OXR1: variants seen among roughly 807,000 people sequenced by gnomAD.
OXR1 encodes the protein oxidation resistance protein 1.
A neutral mutation model predicts 104.6 loss-of-function variants in OXR1; 41 were observed. That is an observed-to-expected ratio of 0.39 (90% CI 0.31 to 0.51). The LOEUF is 0.51. Among genes scored for constraint, OXR1 ranks in the 20% least tolerant of loss-of-function variants. The probability of loss-of-function intolerance (pLI) is 0.77; values close to 1 mark genes in which losing one functional copy is unlikely to be tolerated. For missense variants in OXR1, 955 were observed against 1,031.9 expected (o/e 0.93, Z 1.02); for synonymous variants, 348 against 348.4 (o/e 1.00, Z 0.01).
rs773632188 is a variant in OXR1 at position 106,692,897 on chromosome 8, A to T, written c.675+20A>T. The T allele has an allele frequency of 4.5e-6, 7 of 1,551,510 alleles. No individual in the cohort carries two copies. The highest frequency in any genetic ancestry group is 6.2e-6 in the Non-Finnish European group (7 of 1,136,512). ...GGCAAGGTAAAGAATGACACTTTAG[A>T]GAAGACCTTTAATCATGCTTTAGTT... On this transcript the variant is annotated intron_variant, in intron 7 of 16. Coordinates refer to ENST00000517566, the MANE Select transcript of OXR1 (RefSeq NM_001198533.2).
chr8:106,651,089 A>AGATCCTGCAAAATGACCCTCTTTGAT (rs1824531262), intron 3 of OXR1, among the ~76,000 whole-genome samples: 1 of 152,210 alleles, frequency 6.6e-6, no homozygotes, highest in African/African-American at 2.4e-5. Flanking sequence ...AAATGTTGAT[A>AGATCCTGCAAAATGACCCTCTTTGAT]GATCCTGCAA....
chr8:106,382,690 T>C (rs1224328618), intron 2 of OXR1, among the ~76,000 whole-genome samples: 1 of 137,344 alleles, frequency 7.3e-6, no homozygotes, highest in Non-Finnish European at 1.6e-5. Context: ...AGGTTTTTTT[T>C]TTTTTTTTTT....
chr8:106,484,171 G>A lies in OXR1; in HGVS notation c.24-34772G>A, dbSNP rs949403440. ...AGACTGGGAGAAAATATTTGCAAAA[G>A]ACATACCTGGTAGAGGACCTTTATC... On this transcript the variant is annotated intron_variant, in intron 2 of 16. Transcript: ENST00000517566. Among the ~76,000 whole-genome samples, 3 of 151,716 alleles carry A rather than the reference G, an allele frequency of 2.0e-5. No homozygotes were observed. The East Asian group carries it at 6.1e-4, about 31-fold the overall frequency.
intron 4 of OXR1, 22 bp from the exon 5 acceptor site, chr8:106,683,177 A>G (rs1828351689): frequency 8.3e-7 from 1 of 1,203,108 alleles, no homozygotes; most frequent in Non-Finnish European, 1.2e-6. Context: ...CATTGAAATA[A>G]TTTATTTTTT....
chr8:106,416,407 CA>C (rs1288716152), intron 2 of OXR1, among the ~76,000 whole-genome samples: 1 of 151,896 alleles, frequency 6.6e-6, no homozygotes, highest in Non-Finnish European at 1.5e-5. Context: ...TGTGGCTATC[CA>C]TTGGTATTTC....
chr8:106,701,032 G>C (rs1830543257), intron 7 of OXR1, among the ~76,000 whole-genome samples: 1 of 151,864 alleles, frequency 6.6e-6, no homozygotes, highest in Admixed American at 6.6e-5. Flanking sequence ...GATTATCCTA[G>C]ACAATGTAAA....
chr8:106,524,515 C>T (rs746589103), intron 3 of OXR1, among the ~76,000 whole-genome samples: 7 of 152,162 alleles, frequency 4.6e-5, no homozygotes, highest in African/African-American at 1.7e-4. Flanking sequence ...GAAATAGGAC[C>T]ACTCTTGAAT....
chr8:106,465,566 A>G (rs1037339892), intron 2 of OXR1, among the ~76,000 whole-genome samples: 1 of 151,990 alleles, frequency 6.6e-6, no homozygotes, highest in Admixed American at 6.6e-5. Flanking sequence ...GACTTGGGCT[A>G]GAGTAATGGT....
At chr8:106,556,861 C>T (rs1485367682) in intron 3 of OXR1, among the ~76,000 whole-genome samples, 4 of 152,172 alleles carry the variant, frequency 2.6e-5, no homozygotes, top group African/African-American at 9.6e-5. Context: ...TTCTTTCTAA[C>T]TCACTGTGTT....
At chr8:106,273,265 A>C (rs960492393) in intron 1 of OXR1, among the ~76,000 whole-genome samples, 4 of 152,120 alleles carry the variant, frequency 2.6e-5, no homozygotes, top group African/African-American at 4.8e-5. Flanking sequence ...AAGAAGAAGA[A>C]GAAGAAAGTA....
At chr8:106,476,559 C>G (rs981488170) in intron 2 of OXR1, among the ~76,000 whole-genome samples, 1 of 151,908 alleles carries the variant, frequency 6.6e-6, no homozygotes, top group Non-Finnish European at 1.5e-5. Flanking sequence ...GCTCACTTCT[C>G]TTTCTCACTA....
At chr8:106,481,696 T>C (rs1822124981) in intron 2 of OXR1, among the ~76,000 whole-genome samples, 1 of 152,078 alleles carries the variant, frequency 6.6e-6, no homozygotes, top group South Asian at 2.1e-4. Context: ...TTTTGCCACC[T>C]GTTACTTTAA....
chr8:106,501,256 T>G (rs898527519), intron 2 of OXR1, among the ~76,000 whole-genome samples: 6 of 152,134 alleles, frequency 3.9e-5, no homozygotes, highest in African/African-American at 1.4e-4. Context: ...GCCAAGTAGC[T>G]AGGAAGACAG....
chr8:106,495,572 A>G (rs1274750288), intron 2 of OXR1, among the ~76,000 whole-genome samples: 1 of 152,214 alleles, frequency 6.6e-6, no homozygotes, highest in Non-Finnish European at 1.5e-5. Flanking sequence ...TACGTTTTGT[A>G]AATTCCAAAA....
At chr8:106,450,133 AT>A (rs1820234850) in intron 2 of OXR1, among the ~76,000 whole-genome samples, 1 of 152,214 alleles carries the variant, frequency 6.6e-6, no homozygotes, top group South Asian at 2.1e-4. Flanking sequence ...AGAATGATCA[AT>A]TCCTTGAGTG....
At chr8:106,387,774 A>G (rs1382765409) in intron 2 of OXR1, among the ~76,000 whole-genome samples, 4 of 152,234 alleles carry the variant, frequency 2.6e-5, no homozygotes, top group African/African-American at 9.6e-5. Context: ...TTTCCAGGTA[A>G]TAAAAGTACC....
At chr8:106,554,825 T>C (rs1816139537) in intron 3 of OXR1, among the ~76,000 whole-genome samples, 1 of 152,164 alleles carries the variant, frequency 6.6e-6, no homozygotes, top group Admixed American at 6.5e-5. Context: ...ATCTTAATGC[T>C]CATTCTTAAC....
chr8:106,329,952 C>T (rs1317933908), intron 1 of OXR1, among the ~76,000 whole-genome samples: 1 of 152,048 alleles, frequency 6.6e-6, no homozygotes, highest in Non-Finnish European at 1.5e-5. Flanking sequence ...CAGCATTTGG[C>T]AAATACTAAA....
At chr8:106,737,937 G>T (rs1331082773) in intron 12 of OXR1, among the ~76,000 whole-genome samples, 1 of 152,098 alleles carries the variant, frequency 6.6e-6, no homozygotes, top group Non-Finnish European at 1.5e-5. Flanking sequence ...AAATCTGAAA[G>T]ATATGGTACT....
Sources: allele counts gnomAD v4.1 joint callset (sites outside exome capture counted in the v4.1 genomes callset), GRCh38; gene constraint gnomAD v4.1.1; transcripts MANE v1.5; gene names NCBI Gene and HGNC (gene_info 2026-07-23, HGNC 2026-07-21).